Variants in EDIL3 observed in about 807,000 individuals in gnomAD.
The protein encoded by EDIL3 is EGF-like repeat and discoidin I-like domain-containing protein 3.
EDIL3 carries 37 observed loss-of-function variants against 67.4 expected under a neutral mutation model. The ratio of observed to expected loss-of-function variants is 0.55; its 90% CI spans 0.42 to 0.72. The LOEUF is 0.72. EDIL3 is among the 30% of genes least tolerant of loss of function. The probability of loss-of-function intolerance (pLI) is 0.00; values close to 1 mark genes in which losing one functional copy is unlikely to be tolerated. For missense variants in EDIL3, 527 were observed against 586.3 expected (o/e 0.90, Z 1.04); for synonymous variants, 195 against 196.3 (o/e 0.99, Z 0.05).
At chr5:84,298,493 A>G (rs1421572245) in intron 1 of EDIL3, among the ~76,000 whole-genome samples, 1 of 152,160 alleles carries the variant, frequency 6.6e-6, no homozygotes, top group Non-Finnish European at 1.5e-5. Flanking sequence ...GGCAGAGAGC[A>G]TCAGGAAAAA....
At chr5:84,234,656 T>G (rs923489712) in intron 2 of EDIL3, among the ~76,000 whole-genome samples, 2 of 152,166 alleles carry the variant, frequency 1.3e-5, no homozygotes, top group African/African-American at 2.4e-5. Flanking sequence ...TACCATCAAA[T>G]AGGAAAATCT....
intron 3 of EDIL3, among the ~76,000 whole-genome samples, chr5:84,223,811 A>G (rs1744396723): frequency 6.6e-6 from 1 of 151,530 alleles, no homozygotes; most frequent in Admixed American, 6.6e-5. Context: ...GGTGATGGAT[A>G]TGTAAATCTA....
chr5:84,340,703 T>C (rs571644358), intron 1 of EDIL3, among the ~76,000 whole-genome samples: 1 of 151,692 alleles, frequency 6.6e-6, no homozygotes, highest in Admixed American at 6.6e-5. Flanking sequence ...CACCTGCACA[T>C]ACTTTAAAGG....
Position 84,328,354 on chromosome 5 carries a change from A to G in EDIL3, c.67+55954T>C, listed in dbSNP as rs117649150. On this transcript the variant is annotated intron_variant, in intron 1 of 10. Coordinates refer to ENST00000296591, the MANE Select transcript of EDIL3 (RefSeq NM_005711.5). Reference sequence around the variant, plus strand: ...TATACCCAAAATGCTTCCCCCCGTCACTACCACCTGCCTTCCTTGAATCTC... The same window carrying G: ...TATACCCAAAATGCTTCCCCCCGTCGCTACCACCTGCCTTCCTTGAATCTC... Among the ~76,000 whole-genome samples, 147 of 152,122 alleles carry G rather than the reference A, an allele frequency of 9.7e-4. 2 individuals are homozygous for G. In the East Asian group the frequency reaches 0.027, roughly 28 times the overall value.
intron 9 of EDIL3, among the ~76,000 whole-genome samples, chr5:83,977,552 C>G (rs1288652363): frequency 6.6e-6 from 1 of 151,740 alleles, no homozygotes; most frequent in African/African-American, 2.4e-5. Flanking sequence ...AAGTCTAATT[C>G]AATATCTTTA....
At chr5:83,958,629 C>T (rs982509981) in intron 10 of EDIL3, among the ~76,000 whole-genome samples, 1 of 151,322 alleles carries the variant, frequency 6.6e-6, no homozygotes, top group Admixed American at 6.6e-5. Context: ...TTAAACACTA[C>T]GATGTTATGA....
intron 6 of EDIL3, among the ~76,000 whole-genome samples, chr5:84,093,806 T>A (rs7731015): frequency 1.3e-5 from 2 of 151,588 alleles, no homozygotes; most frequent in Non-Finnish European, 2.9e-5. Flanking sequence ...ACTAGAGGTG[T>A]CTGCCACCAC....
intron 6 of EDIL3, among the ~76,000 whole-genome samples, chr5:84,088,943 G>T (rs1038136340): frequency 2.6e-5 from 4 of 152,232 alleles, no homozygotes; most frequent in African/African-American, 9.6e-5. Flanking sequence ...TCTGAAAAAG[G>T]CATTAAAGGA....
chr5:84,064,642 C>A (rs1401004715), intron 8 of EDIL3, 58 bp downstream of exon 8: 6 of 1,545,288 alleles, frequency 3.9e-6, no homozygotes, highest in South Asian at 3.7e-5. Flanking sequence ...AGGCTACATA[C>A]AAATATGCTT....
intron 9 of EDIL3, among the ~76,000 whole-genome samples, chr5:84,050,095 G>C (rs1389604541): frequency 1.3e-5 from 2 of 151,186 alleles, no homozygotes; most frequent in African/African-American, 4.9e-5. Flanking sequence ...CTACATGGGA[G>C]GCTGAGGCAG....
chr5:84,300,360 T>C (rs1437936598), intron 1 of EDIL3, among the ~76,000 whole-genome samples: 1 of 152,188 alleles, frequency 6.6e-6, no homozygotes, highest in East Asian at 1.9e-4. Context: ...TACTATAGGA[T>C]GGTCTTCTTA....
chr5:84,366,483 AC>A (rs755484732), intron 1 of EDIL3, among the ~76,000 whole-genome samples: 32 of 152,244 alleles, frequency 2.1e-4, no homozygotes, highest in Admixed American at 8.5e-4. Flanking sequence ...TTACTTCTTT[AC>A]TTCATAGTTA....
intron 4 of EDIL3, among the ~76,000 whole-genome samples, chr5:84,178,218 A>G (rs1047326424): frequency 6.6e-6 from 1 of 152,176 alleles, no homozygotes; most frequent in African/African-American, 2.4e-5. Flanking sequence ...TATGAGAGTC[A>G]ACTGGGAATT....
At chr5:84,254,493 T>C (rs1042868315) in intron 1 of EDIL3, among the ~76,000 whole-genome samples, 122 of 152,224 alleles carry the variant, frequency 8.0e-4, no homozygotes, top group African/African-American at 2.7e-3. Flanking sequence ...TGTTGTCTAA[T>C]TGGTTAATAA....
chr5:84,141,001 C>G (rs1361288823), intron 4 of EDIL3, among the ~76,000 whole-genome samples: 2 of 151,986 alleles, frequency 1.3e-5, no homozygotes, highest in Admixed American at 1.3e-4. Flanking sequence ...TAATTAAAGA[C>G]TAGATAAAAA....
At chr5:84,073,281 A>T (rs13187980) in intron 6 of EDIL3, among the ~76,000 whole-genome samples, 21,011 of 152,120 alleles carry the variant, frequency 0.14, 1,837 homozygotes, top group Non-Finnish European at 0.2. Flanking sequence ...CTTTGAAAAC[A>T]GGCACAAGAC....
intron 8 of EDIL3, among the ~76,000 whole-genome samples, chr5:84,064,173 C>T (rs1348269252): frequency 6.6e-6 from 1 of 151,984 alleles, no homozygotes; most frequent in Non-Finnish European, 1.5e-5. Context: ...TTTATATTAG[C>T]AATCTTGGTA....
chr5:84,194,792 G>C (rs1443609176), intron 3 of EDIL3, among the ~76,000 whole-genome samples: 1 of 151,808 alleles, frequency 6.6e-6, no homozygotes, highest in African/African-American at 2.4e-5. Flanking sequence ...TCCTATAAAA[G>C]AAATCATGCC....
intron 6 of EDIL3, among the ~76,000 whole-genome samples, chr5:84,076,867 A>G (rs1292058657): frequency 1.3e-5 from 2 of 152,024 alleles, no homozygotes; most frequent in African/African-American, 4.8e-5. Context: ...ACAAAAAAGT[A>G]GGGGAAAGGA....
Sources: allele counts gnomAD v4.1 joint callset (sites outside exome capture counted in the v4.1 genomes callset), GRCh38; gene constraint gnomAD v4.1.1; transcripts MANE v1.5; gene names NCBI Gene and HGNC (gene_info 2026-07-23, HGNC 2026-07-21).